EPHA6: variants seen among roughly 807,000 people sequenced by gnomAD.
EPHA6 encodes the protein ephrin type-A receptor 6.
A neutral mutation model predicts 112.0 loss-of-function variants in EPHA6; 50 were observed. The ratio of observed to expected loss-of-function variants is 0.45; its 90% CI spans 0.36 to 0.56. The LOEUF (loss-of-function observed/expected upper bound fraction) is 0.56. Ranked by LOEUF, EPHA6 falls within the 20% of genes least tolerant of loss-of-function variation. EPHA6 has a pLI of 0.00. For synonymous variants in EPHA6, 529 were observed against 490.7 expected (o/e 1.08, Z -1.03); for missense variants, 1,280 against 1,417.4 (o/e 0.90, Z 1.56).
At chr3:96,838,706 G>A (rs2034562185) in intron 1 of EPHA6, among the ~76,000 whole-genome samples, 1 of 151,854 alleles carries the variant, frequency 6.6e-6, no homozygotes, top group Non-Finnish European at 1.5e-5. Context: ...TAACAAATTT[G>A]CACTAAAATT....
chr3:96,988,124 T>TCA, intron 3 of EPHA6, 131 bp downstream of exon 3: 3 of 590,890 alleles, frequency 5.1e-6, no homozygotes, highest in Non-Finnish European at 8.2e-6. Flanking sequence ...ATATAATGTA[T>TCA]ACTGATCAGA....
chr3:97,613,606 G>C (rs1051294516), intron 13 of EPHA6, among the ~76,000 whole-genome samples: 1 of 151,968 alleles, frequency 6.6e-6, no homozygotes, highest in Non-Finnish European at 1.5e-5. Flanking sequence ...GATATATATC[G>C]GCAGAGGGGC....
intron 3 of EPHA6, among the ~76,000 whole-genome samples, chr3:97,206,659 A>G (rs1269044457): frequency 6.6e-6 from 1 of 152,040 alleles, no homozygotes; most frequent in Non-Finnish European, 1.5e-5. Context: ...TTATTAATAT[A>G]CCGCCAATGA....
intron 4 of EPHA6, 100 bp from the exon 5 acceptor site, chr3:97,243,852 C>A: frequency 1.1e-6 from 1 of 883,764 alleles, no homozygotes; most frequent in Non-Finnish European, 1.7e-6. Context: ...TTCAAACTAA[C>A]ATAAAAGAGC....
chr3:96,866,214 T>A (rs2036300372), intron 1 of EPHA6, among the ~76,000 whole-genome samples: 1 of 152,096 alleles, frequency 6.6e-6, no homozygotes, highest in Admixed American at 6.6e-5. Flanking sequence ...TGTGTTTACA[T>A]GTCTGCTTTT....
intron 3 of EPHA6, among the ~76,000 whole-genome samples, chr3:97,086,194 G>T (rs9856212): frequency 0.2 from 30,932 of 151,480 alleles, 6,687 homozygotes; most frequent in African/African-American, 0.55. Flanking sequence ...ATTAATATTA[G>T]TTTGACCTTT....
chr3:96,845,489 G>A (rs1358829701), intron 1 of EPHA6, among the ~76,000 whole-genome samples: 3 of 151,854 alleles, frequency 2.0e-5, no homozygotes, highest in African/African-American at 4.8e-5. Context: ...TCCATGTTTC[G>A]GTAATTGCTC....
At chr3:96,967,649 T>A (rs1056339138) in intron 2 of EPHA6, among the ~76,000 whole-genome samples, 8 of 151,862 alleles carry the variant, frequency 5.3e-5, no homozygotes, top group African/African-American at 1.7e-4. Context: ...GTTTTAGTTG[T>A]TATCTTTTTA....
chr3:97,290,668 A>G (rs570456322), intron 5 of EPHA6, among the ~76,000 whole-genome samples: 11 of 152,162 alleles, frequency 7.2e-5, no homozygotes, highest in Admixed American at 2.0e-4. Flanking sequence ...TTGGTTATGT[A>G]TAGTTGTTTA....
chr3:97,714,130 A>G (rs1337468829), intron 14 of EPHA6, among the ~76,000 whole-genome samples: 2 of 152,248 alleles, frequency 1.3e-5, no homozygotes, highest in African/African-American at 4.8e-5. Context: ...GGGTGAGTTC[A>G]GTGATTCCAC....
chr3:97,500,911 A>G (rs557833342), intron 10 of EPHA6, among the ~76,000 whole-genome samples: 18 of 152,288 alleles, frequency 1.2e-4, no homozygotes, highest in African/African-American at 4.1e-4. Context: ...GGAAGCCATA[A>G]GTAAAAGTAT....
chr3:96,931,305 G>C (rs745599617), intron 2 of EPHA6, among the ~76,000 whole-genome samples: 1 of 152,232 alleles, frequency 6.6e-6, no homozygotes, highest in Non-Finnish European at 1.5e-5. Flanking sequence ...GCTGCCATCT[G>C]GCAAAGCAGC....
chr3:97,091,469 T>C (rs1301941105), intron 3 of EPHA6, among the ~76,000 whole-genome samples: 1 of 152,158 alleles, frequency 6.6e-6, no homozygotes, highest in Non-Finnish European at 1.5e-5. Context: ...AAACTGTTTA[T>C]GTAAAGCTAT....
At chr3:97,293,100 G>T (rs2080752268) in intron 5 of EPHA6, among the ~76,000 whole-genome samples, 1 of 150,236 alleles carries the variant, frequency 6.7e-6, no homozygotes, top group South Asian at 2.1e-4. Flanking sequence ...GCCAGCAAGG[G>T]CCCAGCTCTC....
At chr3:96,883,084 C>T (rs750217126) in intron 2 of EPHA6, among the ~76,000 whole-genome samples, 84 of 152,102 alleles carry the variant, frequency 5.5e-4, no homozygotes, top group South Asian at 4.1e-4. Context: ...TCCATGGCAA[C>T]ATCTATTGTT....
In EPHA6 at chr3:97,363,250, C is replaced by T. The variant is rs1197325920; in HGVS notation, c.1607-41900C>T. Among the ~76,000 whole-genome samples the T allele has an allele frequency of 3.4e-5, 3 of 89,046 alleles. 1 individual carries two copies. The highest frequency in any genetic ancestry group is 3.1e-4 in the Admixed American group (2 of 6,484). 58.4% of individuals were successfully genotyped at this position (89,046 alleles called of 152,430 possible). Reference sequence around the variant, plus strand: ...TATATATATATATAAATCTCAGATGCTACAAAAACTAAAGTAAATTATTTC... The same window carrying T: ...TATATATATATATAAATCTCAGATGTTACAAAAACTAAAGTAAATTATTTC... On this transcript the variant is annotated intron_variant, in intron 5 of 17. Transcript: ENST00000389672.
intron 5 of EPHA6, among the ~76,000 whole-genome samples, chr3:97,288,924 A>ATTTTT (rs374397667): frequency 8.1e-5 from 9 of 111,262 alleles, no homozygotes; most frequent in Non-Finnish European, 1.2e-4. Flanking sequence ...TTTAATGGGG[A>ATTTTT]TTTTTTTTTT....
At chr3:97,551,609 T>A (rs1219159609) in intron 11 of EPHA6, among the ~76,000 whole-genome samples, 1 of 152,150 alleles carries the variant, frequency 6.6e-6, no homozygotes, top group Non-Finnish European at 1.5e-5. Flanking sequence ...ATATATTATA[T>A]ATAACATGCT....
intron 6 of EPHA6, among the ~76,000 whole-genome samples, chr3:97,420,472 A>G (rs1211224848): frequency 6.6e-6 from 1 of 152,072 alleles, no homozygotes; most frequent in African/African-American, 2.4e-5. Flanking sequence ...CTTCATACAT[A>G]TATTATTTAC....
Sources: allele counts gnomAD v4.1 joint callset (sites outside exome capture counted in the v4.1 genomes callset), GRCh38; gene constraint gnomAD v4.1.1; transcripts MANE v1.5; gene names NCBI Gene and HGNC (gene_info 2026-07-23, HGNC 2026-07-21).